Variants in HRH2 observed in about 807,000 individuals in gnomAD.
The protein encoded by HRH2 is histamine receptor H2, also known as histamine H2 receptor.
In HRH2, 4 loss-of-function variants were observed where a neutral mutation model predicts 20.1. The observed-to-expected ratio is 0.20, with a 90% CI of 0.10 to 0.45. The LOEUF (loss-of-function observed/expected upper bound fraction) is 0.45. HRH2 is among the 20% of genes least tolerant of loss of function. The pLI, the probability that HRH2 is intolerant of heterozygous loss-of-function variation, is 0.99. For synonymous variants in HRH2, 197 were observed against 200.7 expected (o/e 0.98, Z 0.16); for missense variants, 250 against 461.6 (o/e 0.54, Z 4.20).
chr5:175,690,693 C>T (rs1392690597), intron 2 of HRH2, among the ~76,000 whole-genome samples: 1 of 152,154 alleles, frequency 6.6e-6, no homozygotes, highest in African/African-American at 2.4e-5. Flanking sequence ...CAATCACAAT[C>T]CGTTTTAGAG....
chr5:175,683,484 G>A lies in HRH2; in HGVS notation c.251G>A (p.Trp84Ter). 1 of 1,613,902 alleles carries A rather than the reference G, an allele frequency of 6.2e-7. No homozygotes were observed. The highest frequency in any genetic ancestry group is 8.5e-7 in the Non-Finnish European group (1 of 1,179,966). The change falls in exon 2 of 3, where the codon TGG becomes TAG. Residue 84 changes from tryptophan to a stop codon, truncating the protein, a stop_gained. Coordinates refer to ENST00000636584, the MANE Select transcript of HRH2 (RefSeq NM_001367711.1). LOFTEE classifies it high-confidence loss of function. ...FSAIYQLSCKWSFGKVFCNIY... is the reference protein window; with the variant it reads ...FSAIYQLSCK ...GCCATCTACCAGCTGTCCTGCAAGT[G>A]GAGCTTTGGCAAGGTCTTCTGCAAT...
At chr5:175,697,761 C>T (rs1015139027) in intron 2 of HRH2, among the ~76,000 whole-genome samples, 2 of 152,222 alleles carry the variant, frequency 1.3e-5, no homozygotes, top group African/African-American at 2.4e-5. Context: ...CTTCATACTC[C>T]GACTACAGAA....
chr5:175,681,939 C>T lies in HRH2; in HGVS notation c.-525-770C>T, dbSNP rs969875478. On this transcript the variant is annotated intron_variant, in intron 1 of 2. Coordinates refer to ENST00000636584, the MANE Select transcript of HRH2 (RefSeq NM_001367711.1). The surrounding 1 kb of genome is among the most constrained non-coding windows in gnomAD (Gnocchi z 4.3). Reference sequence around the variant, plus strand: ...TGACGAACTGCCGATTAAATCTGGCCCTCTGCCTGGCTTTGTACAGCCCGT... The same window carrying T: ...TGACGAACTGCCGATTAAATCTGGCTCTCTGCCTGGCTTTGTACAGCCCGT... Among the ~76,000 whole-genome samples, 5 of 152,162 alleles carry T rather than the reference C, an allele frequency of 3.3e-5. No individual in the cohort carries two copies. The highest frequency in any genetic ancestry group is 5.9e-5 in the Non-Finnish European group (4 of 68,036).
At chr5:175,661,857 TA>T (rs1366191007) in intron 1 of HRH2, among the ~76,000 whole-genome samples, 2 of 152,002 alleles carry the variant, frequency 1.3e-5, no homozygotes, top group Non-Finnish European at 2.9e-5. Flanking sequence ...CTGTCTCTAC[TA>T]AAAATACACA....
intron 1 of HRH2, among the ~76,000 whole-genome samples, chr5:175,661,528 C>A (rs1032258423): frequency 1.3e-5 from 2 of 152,184 alleles, no homozygotes; most frequent in African/African-American, 4.8e-5. Flanking sequence ...AATTCGAACA[C>A]TGGCCATCTA....
chr5:175,682,640 A>T (rs1252577626), intron 1 of HRH2, 69 bp from the exon 2 acceptor site: 2 of 153,486 alleles, frequency 1.3e-5, no homozygotes, highest in African/African-American at 4.8e-5. Context: ...GTAGAAGGAC[A>T]CATCTTGAAT....
chr5:175,661,742 CT>C (rs1202482127), intron 1 of HRH2, among the ~76,000 whole-genome samples: 20 of 152,246 alleles, frequency 1.3e-4, no homozygotes, highest in African/African-American at 4.6e-4. Context: ...CCATCTCAGG[CT>C]GGACACAGTG....
chr5:175,703,500 C>G (rs1161134926), intron 2 of HRH2, among the ~76,000 whole-genome samples: 1 of 151,928 alleles, frequency 6.6e-6, no homozygotes, highest in Non-Finnish European at 1.5e-5. Context: ...TTTAAACAGC[C>G]AATTTAGGAA....
intron 2 of HRH2, among the ~76,000 whole-genome samples, chr5:175,705,228 G>A (rs998782833): frequency 4.6e-5 from 7 of 152,188 alleles, no homozygotes; most frequent in African/African-American, 1.4e-4. Flanking sequence ...CTCAGGAATA[G>A]CCAAGTCTTT....
intron 1 of HRH2, among the ~76,000 whole-genome samples, chr5:175,674,401 G>A (rs967030778): frequency 2.6e-5 from 4 of 152,116 alleles, no homozygotes; most frequent in Non-Finnish European, 5.9e-5. Flanking sequence ...GTAGGTGCTC[G>A]GGAAATGGAA....
chr5:175,674,980 A>C (rs1257125296), intron 1 of HRH2, among the ~76,000 whole-genome samples: 1 of 152,218 alleles, frequency 6.6e-6, no homozygotes, highest in Non-Finnish European at 1.5e-5. Context: ...AAAAGCCCAA[A>C]GTCCTTTCTC....
intron 1 of HRH2, among the ~76,000 whole-genome samples, chr5:175,680,492 G>T (rs561028854): frequency 6.6e-6 from 1 of 152,344 alleles, no homozygotes; most frequent in African/African-American, 2.4e-5. Context: ...ACACCTCAGG[G>T]ATATTTGGCT....
intron 2 of HRH2, among the ~76,000 whole-genome samples, chr5:175,689,404 T>A (rs1236337786): frequency 2.0e-5 from 3 of 152,074 alleles, no homozygotes; most frequent in East Asian, 1.9e-4. Flanking sequence ...CAGGTCCCTG[T>A]CTGTGTTGTT....
At chr5:175,706,628 G>GTGT (rs1253428686) in intron 2 of HRH2, among the ~76,000 whole-genome samples, 38 of 152,326 alleles carry the variant, frequency 2.5e-4, no homozygotes, top group Non-Finnish European at 5.0e-4. Context: ...TGCTAACATG[G>GTGT]TAAAGGACGC....
chr5:175,694,446 C>T (rs980152464), intron 2 of HRH2, among the ~76,000 whole-genome samples: 3 of 152,124 alleles, frequency 2.0e-5, no homozygotes, highest in Non-Finnish European at 4.4e-5. Flanking sequence ...TGGACATAGT[C>T]GGCCGGCTCC....
intron 1 of HRH2, among the ~76,000 whole-genome samples, chr5:175,666,422 C>T (rs1480282501): frequency 1.3e-5 from 2 of 152,060 alleles, no homozygotes; most frequent in Admixed American, 1.3e-4. Context: ...TGAACTCAGG[C>T]GCAGATTCCT....
chr5:175,679,276 C>T (rs34647055), intron 1 of HRH2, among the ~76,000 whole-genome samples: 9,699 of 152,058 alleles, frequency 0.064, 477 homozygotes, highest in East Asian at 0.15. Flanking sequence ...AAACTCAAAA[C>T]TCTGCCCAAT....
intron 2 of HRH2, among the ~76,000 whole-genome samples, chr5:175,692,841 A>C (rs1271207007): frequency 6.6e-6 from 1 of 152,220 alleles, no homozygotes; most frequent in Non-Finnish European, 1.5e-5. Context: ...TGTTGTGTCA[A>C]GAATCTTCTG....
chr5:175,680,041 T>C (rs1324309167), intron 1 of HRH2, among the ~76,000 whole-genome samples: 1 of 152,210 alleles, frequency 6.6e-6, no homozygotes, highest in African/African-American at 2.4e-5. Flanking sequence ...TGATATTTTG[T>C]TTACTATGCA....
Sources: gnomAD v4.1 joint callset for allele counts (sites outside exome capture counted in the v4.1 genomes callset) on GRCh38, gnomAD v4.1.1 for gene constraint, Gnocchi (gnomAD v3.1) non-coding constraint, MANE v1.5 for transcripts, NCBI Gene and HGNC (gene_info 2026-07-23, HGNC 2026-07-21) for gene names.